The following IL1RAPL2 variants were observed in gnomAD, a reference collection of about 807,000 sequenced individuals.
IL1RAPL2 encodes X-linked interleukin-1 receptor accessory protein-like 2.
A neutral mutation model predicts 44.1 loss-of-function variants in IL1RAPL2; 3 were observed. That is an observed-to-expected ratio of 0.07 (90% CI 0.03 to 0.18). The LOEUF is 0.18. IL1RAPL2 is among the 10% of genes least tolerant of loss of function. The pLI, the probability that IL1RAPL2 is intolerant of heterozygous loss-of-function variation, is 1.00. For missense variants in IL1RAPL2, 391 were observed against 496.4 expected (o/e 0.79, Z 2.02); for synonymous variants, 181 against 178.8 (o/e 1.01, Z -0.10).
chrX:104,786,897 C>G (rs1477446037), intron 2 of IL1RAPL2, among the ~76,000 whole-genome samples: 1 of 103,601 alleles, frequency 9.7e-6, no homozygotes, highest in African/African-American at 3.6e-5. Context: ...AATTCCCTCT[C>G]TCATTCTCAT....
intron 2 of IL1RAPL2, among the ~76,000 whole-genome samples, chrX:105,162,151 T>A (rs1028317440): frequency 1.4e-4 from 16 of 111,716 alleles, no homozygotes; most frequent in Non-Finnish European, 2.6e-4. Flanking sequence ...AAACATGGAG[T>A]TGTAACTTAC....
rs2034985315 is a variant in IL1RAPL2 at position 105,331,409 on chromosome X, T to C, written c.697+63868T>C. On this transcript the variant is annotated intron_variant, in intron 5 of 10. Transcript: ENST00000372582. The stretch of plus-strand genomic sequence containing the variant: ...TAATGCTGGAAGCTTACATATTCCA[T>C]TTGGTAAATGGATGATGCTGCCCAA... Among the ~76,000 whole-genome samples, 2 of 111,913 alleles carry C rather than the reference T, an allele frequency of 1.8e-5. 1 individual carries two copies. The highest frequency in any genetic ancestry group is 1.9e-4 in the Admixed American group (2 of 10,449).
chrX:104,886,444 C>A (rs141134377), intron 2 of IL1RAPL2, among the ~76,000 whole-genome samples: 2,129 of 111,918 alleles, frequency 0.019, 50 homozygotes, highest in African/African-American at 0.064. Context: ...AGGCCTGAAG[C>A]TGATAAAGGA....
chrX:105,569,444 G>T (rs1173595569), intron 6 of IL1RAPL2, among the ~76,000 whole-genome samples: 1 of 111,556 alleles, frequency 9.0e-6, no homozygotes, highest in East Asian at 2.8e-4. Flanking sequence ...CCCCTTTAAA[G>T]TTAGAGGTAG....
chrX:105,614,005 G>A (rs1283217867), intron 6 of IL1RAPL2, among the ~76,000 whole-genome samples: 1 of 111,139 alleles, frequency 9.0e-6, no homozygotes, highest in African/African-American at 3.3e-5. Flanking sequence ...AAATCAACAT[G>A]CAAAAATCAG....
intron 3 of IL1RAPL2, among the ~76,000 whole-genome samples, chrX:105,230,630 A>G (rs1054560572): frequency 6.3e-5 from 7 of 110,380 alleles, no homozygotes; most frequent in Non-Finnish European, 9.4e-5. Flanking sequence ...GGTATTTTAC[A>G]TACATTATTT....
intron 5 of IL1RAPL2, among the ~76,000 whole-genome samples, chrX:105,427,133 A>C (rs1261082469): frequency 8.9e-6 from 1 of 112,115 alleles, no homozygotes; most frequent in Non-Finnish European, 1.9e-5. Context: ...AACTTGGCCA[A>C]CCAGGCCTAG....
At chrX:104,934,139 A>C (rs1355132608) in intron 2 of IL1RAPL2, among the ~76,000 whole-genome samples, 1 of 111,851 alleles carries the variant, frequency 8.9e-6, no homozygotes, top group Non-Finnish European at 1.9e-5. Context: ...TTGTTAGGTC[A>C]TGTGACACTT....
intron 2 of IL1RAPL2, among the ~76,000 whole-genome samples, chrX:104,923,967 T>C (rs1428160445): frequency 9.2e-6 from 1 of 108,490 alleles, no homozygotes; most frequent in Non-Finnish European, 1.9e-5. Flanking sequence ...GGAAAAAATA[T>C]ATATTATGCA....
chrX:104,821,606 T>C (rs949794501), intron 2 of IL1RAPL2, among the ~76,000 whole-genome samples: 28 of 112,441 alleles, frequency 2.5e-4, no homozygotes, highest in African/African-American at 7.4e-4. Context: ...TAGTATTCCA[T>C]GGTGTATATG....
At chrX:105,201,281 A>T (rs782040071) in intron 3 of IL1RAPL2, among the ~76,000 whole-genome samples, 1 of 112,106 alleles carries the variant, frequency 8.9e-6, no homozygotes, top group East Asian at 2.8e-4. Flanking sequence ...ACAGCATCAG[A>T]AGAAAAGTTG....
At chrX:105,038,629 A>G (rs999380344) in intron 2 of IL1RAPL2, among the ~76,000 whole-genome samples, 3 of 110,507 alleles carry the variant, frequency 2.7e-5, no homozygotes, top group Non-Finnish European at 5.7e-5. Flanking sequence ...TTTGGGGTAC[A>G]GATTATTTCA....
intron 2 of IL1RAPL2, among the ~76,000 whole-genome samples, chrX:104,926,901 C>T (rs1028802299): frequency 9.0e-6 from 1 of 111,651 alleles, no homozygotes; most frequent in African/African-American, 3.2e-5. Flanking sequence ...ATATCTGTGT[C>T]TTTAGAGTCT....
intron 2 of IL1RAPL2, among the ~76,000 whole-genome samples, chrX:104,694,984 A>G (rs764596693): frequency 1.8e-5 from 2 of 112,443 alleles, no homozygotes; most frequent in South Asian, 7.5e-4. Context: ...TGGTCCCATT[A>G]CAAACTGATA....
chrX:105,512,211 G>A (rs987667281), intron 6 of IL1RAPL2, among the ~76,000 whole-genome samples: 9 of 111,189 alleles, frequency 8.1e-5, no homozygotes, highest in African/African-American at 2.9e-4. Context: ...ATTGGACACA[G>A]GCCCTTCAAC....
At chrX:105,333,938 A>G (rs749161167) in intron 5 of IL1RAPL2, among the ~76,000 whole-genome samples, 2 of 112,028 alleles carry the variant, frequency 1.8e-5, no homozygotes, top group Non-Finnish European at 3.8e-5. Flanking sequence ...GTAAATTAGT[A>G]CAACCACTAT....
At chrX:104,691,166 C>T (rs1039620305) in intron 2 of IL1RAPL2, among the ~76,000 whole-genome samples, 2 of 112,138 alleles carry the variant, frequency 1.8e-5, no homozygotes, top group Admixed American at 1.9e-4. Context: ...TGGAATCAAC[C>T]ATTTTAGGAG....
At chrX:105,474,674 A>G (rs2036186498) in intron 5 of IL1RAPL2, among the ~76,000 whole-genome samples, 1 of 111,954 alleles carries the variant, frequency 8.9e-6, no homozygotes, top group Non-Finnish European at 1.9e-5. Context: ...TCCAAAATCG[A>G]ATTTTCATCC....
chrX:104,887,816 G>A (rs746526197), intron 2 of IL1RAPL2, among the ~76,000 whole-genome samples: 1 of 111,741 alleles, frequency 8.9e-6, no homozygotes, highest in Non-Finnish European at 1.9e-5. Context: ...CATTTGTGGA[G>A]AATGGGATAT....
Sources: gnomAD v4.1 joint callset for allele counts (sites outside exome capture counted in the v4.1 genomes callset) on GRCh38, gnomAD v4.1.1 for gene constraint, MANE v1.5 for transcripts, NCBI Gene and HGNC (gene_info 2026-07-23, HGNC 2026-07-21) for gene names.